SKA2: variants seen among roughly 807,000 people sequenced by gnomAD.
The protein encoded by SKA2 is spindle and kinetochore-associated protein 2.
In SKA2, 13 loss-of-function variants were observed where a neutral mutation model predicts 16.9. The observed-to-expected ratio is 0.77, with a 90% CI of 0.50 to 1.22. The LOEUF (loss-of-function observed/expected upper bound fraction) is 1.22, where lower values mean the gene tolerates loss of function less well. Ranked by LOEUF, SKA2 falls within the 50% of genes most tolerant of loss-of-function variation. The pLI, the probability that SKA2 is intolerant of heterozygous loss-of-function variation, is 0.00. For synonymous variants in SKA2, 47 were observed against 48.5 expected (o/e 0.97, Z 0.13); for missense variants, 107 against 139.7 (o/e 0.77, Z 1.18).
rs546007304 is a variant in SKA2 at position 59,134,766 on chromosome 17, T to C, written c.34-3399A>G. Among the ~76,000 whole-genome samples, 73 of 152,238 alleles carry C rather than the reference T, an allele frequency of 4.8e-4. 1 individual carries two copies. The South Asian group carries it at 9.5e-3, about 20-fold the overall frequency. ...GATTTTTACAATAATCTAACGTATA[T>C]GTCACAAAACATGATGAGTTTGGGG... On this transcript the variant is annotated intron_variant, in intron 1 of 3. Transcript: ENST00000330137.
intron 1 of SKA2, among the ~76,000 whole-genome samples, chr17:59,135,719 A>G (rs2046439888): frequency 6.6e-6 from 1 of 151,032 alleles, no homozygotes; most frequent in Admixed American, 6.6e-5. Context: ...AATATTTTCT[A>G]CCACACCCAT....
chr17:59,142,646 G>A (rs1181935868), intron 1 of SKA2, among the ~76,000 whole-genome samples: 1 of 151,276 alleles, frequency 6.6e-6, no homozygotes, highest in East Asian at 2.0e-4. Context: ...GAGAGACAGG[G>A]CTGGGTGCAG....
Position 59,112,029 on chromosome 17 carries a change from G to A in SKA2, c.*248C>T. 2.4e-6 allele frequency: 1 copy of A among 417,304 alleles called. No individual in the cohort carries two copies. The highest frequency in any genetic ancestry group is 4.4e-6 in the Non-Finnish European group (1 of 225,636). 25.9% of individuals were successfully genotyped at this position (417,304 alleles called of 1,614,324 possible). A position where few individuals can be genotyped will look rare whatever the true frequency, so the allele number is the denominator to read the frequency against. ...AAATTACAAGACTAAGTGTGTGTGT[G>A]CATGCGTGTGTACATATATTTAAAT... is the stretch of plus-strand genomic sequence containing the variant. On this transcript the variant is annotated 3_prime_UTR_variant, in exon 4 of 4. Transcript: ENST00000330137.
At chr17:59,134,317 T>G (rs908336631) in intron 1 of SKA2, among the ~76,000 whole-genome samples, 2 of 152,182 alleles carry the variant, frequency 1.3e-5, no homozygotes, top group Non-Finnish European at 2.9e-5. Flanking sequence ...CTTTTTTCAA[T>G]GAGTTATATA....
intron 1 of SKA2, among the ~76,000 whole-genome samples, chr17:59,142,129 G>A (rs1301738681): frequency 6.6e-6 from 1 of 152,120 alleles, no homozygotes; most frequent in African/African-American, 2.4e-5. Flanking sequence ...CAAACATGTG[G>A]ATACAGGCAG....
intron 1 of SKA2, 55 bp from the exon 2 acceptor site, chr17:59,131,422 G>T: frequency 8.7e-7 from 1 of 1,155,314 alleles, no homozygotes; most frequent in Non-Finnish European, 1.2e-6. Flanking sequence ...TAGTAAACAT[G>T]ATACTTTATT....
At chr17:59,127,731 C>T (rs1051753929) in intron 2 of SKA2, among the ~76,000 whole-genome samples, 21 of 152,044 alleles carry the variant, frequency 1.4e-4, no homozygotes, top group Non-Finnish European at 1.8e-4. Context: ...GCTTTAGATG[C>T]CTTGGAAAAC....
At chr17:59,124,546 C>A (rs536899864) in intron 2 of SKA2, 1 of 152,090 alleles carries the variant, frequency 6.6e-6, no homozygotes, top group African/African-American at 2.4e-5. Flanking sequence ...CTTTAGGTAA[C>A]TGGAATGTAG....
chr17:59,134,450 C>T (rs919807318), intron 1 of SKA2, among the ~76,000 whole-genome samples: 1 of 152,118 alleles, frequency 6.6e-6, no homozygotes, highest in African/African-American at 2.4e-5. Flanking sequence ...TCTAGAAACC[C>T]TTAACATGTT....
chr17:59,120,445 A>G (rs2046325076), intron 2 of SKA2, among the ~76,000 whole-genome samples: 1 of 151,064 alleles, frequency 6.6e-6, no homozygotes, highest in African/African-American at 2.4e-5. Flanking sequence ...CAGGAATCTC[A>G]CTGTGTTGCC....
chr17:59,127,549 C>A (rs552808688), intron 2 of SKA2, among the ~76,000 whole-genome samples: 1 of 151,970 alleles, frequency 6.6e-6, no homozygotes, highest in East Asian at 1.9e-4. Flanking sequence ...CCACCACGCC[C>A]GGCTAATTTT....
At chr17:59,126,726 A>T (rs1249883360) in intron 2 of SKA2, among the ~76,000 whole-genome samples, 2 of 152,206 alleles carry the variant, frequency 1.3e-5, no homozygotes, top group Non-Finnish European at 1.5e-5. Flanking sequence ...AAAAATTGAA[A>T]CACAGAATTA....
Position 59,119,186 on chromosome 17 carries a change from G to T in SKA2, c.297+133C>A, listed in dbSNP as rs2046315820. 4.6e-6 allele frequency: 4 copies of T among 864,558 alleles called. No individual in the cohort carries two copies. In the South Asian group the frequency reaches 7.7e-5, roughly 17 times the overall value. The allele number at this position is 864,558 out of a possible 1,614,324, so 53.6% of individuals were successfully genotyped here. A position where few individuals can be genotyped will look rare whatever the true frequency, so the allele number is the denominator to read the frequency against. ...AGAAATAAGAGCTATTATACTTCAGGGTATCAGGAAAATCTTTCAATAGTT... is the reference window on the plus strand; with the variant it reads ...AGAAATAAGAGCTATTATACTTCAGTGTATCAGGAAAATCTTTCAATAGTT... On this transcript the variant is annotated intron_variant, in intron 3 of 3. Transcript: ENST00000330137.
intron 3 of SKA2, among the ~76,000 whole-genome samples, chr17:59,113,111 T>A (rs968578392): frequency 6.6e-6 from 1 of 151,918 alleles, no homozygotes; most frequent in Non-Finnish European, 1.5e-5. Context: ...TGGTCCCAGC[T>A]GCTCGGGAGG....
At chr17:59,150,745 A>AG (rs2046571267) in intron 1 of SKA2, among the ~76,000 whole-genome samples, 1 of 152,132 alleles carries the variant, frequency 6.6e-6, no homozygotes. Context: ...CTGTCTCTGG[A>AG]GAAAAAAAAA....
rs148430918 is a variant in SKA2, at chr17:59,152,019, T to A, written c.33+3112A>T. 4.8e-3 allele frequency among the ~76,000 whole-genome samples: 725 copies of A among 152,262 alleles called. 5 individuals are homozygous for A. The highest frequency in any genetic ancestry group is 8.4e-3 in the Non-Finnish European group (568 of 68,004). ...AGATTTAAGTAACAAGTTTCCTTAG[T>A]TCCAAGCTAATTGACATTTTAACTT... On this transcript the variant is annotated intron_variant, in intron 1 of 3. Transcript: ENST00000330137.
At chr17:59,133,983 A>C (rs1406836738) in intron 1 of SKA2, among the ~76,000 whole-genome samples, 1 of 152,244 alleles carries the variant, frequency 6.6e-6, no homozygotes, top group Admixed American at 6.5e-5. Context: ...ATTTCCAAAA[A>C]GTGGAAGCTT....
At chr17:59,117,482 A>C (rs2046304320) in intron 3 of SKA2, among the ~76,000 whole-genome samples, 1 of 152,284 alleles carries the variant, frequency 6.6e-6, no homozygotes, top group African/African-American at 2.4e-5. Flanking sequence ...CTGCAGCCTC[A>C]AACTTCTGGG....
Position 59,151,039 on chromosome 17 carries a change from G to T in SKA2, c.33+4092C>A, listed in dbSNP as rs532657302. 18 of 417,592 alleles carry T rather than the reference G, an allele frequency of 4.3e-5. No individual in the cohort carries two copies. In the East Asian group the frequency reaches 1.5e-3, roughly 35 times the overall value. 25.9% of individuals were successfully genotyped at this position (417,592 alleles called of 1,614,324 possible). A position where few individuals can be genotyped will look rare whatever the true frequency, so the allele number is the denominator to read the frequency against. ...TGACTTTCTAAAAGATATACTGTTA[G>T]TAACAACATTATAGTTCTCAGCAAC... On this transcript the variant is annotated intron_variant, in intron 1 of 3. Coordinates refer to ENST00000330137, the MANE Select transcript of SKA2 (RefSeq NM_182620.4).
Sources: gnomAD v4.1 joint callset for allele counts (sites outside exome capture counted in the v4.1 genomes callset) on GRCh38, gnomAD v4.1.1 for gene constraint, MANE v1.5 for transcripts, NCBI Gene and HGNC (gene_info 2026-07-23, HGNC 2026-07-21) for gene names.